Variants in GRID2 observed in about 807,000 individuals in gnomAD.
The protein encoded by GRID2 is glutamate ionotropic receptor delta type subunit 2.
In GRID2, 33 loss-of-function variants were observed where a neutral mutation model predicts 114.8. That is an observed-to-expected ratio of 0.29 (90% CI 0.22 to 0.38). The LOEUF is 0.38. Ranked by LOEUF, GRID2 falls within the 10% of genes least tolerant of loss-of-function variation. The pLI, the probability that GRID2 is intolerant of heterozygous loss-of-function variation, is 1.00. For synonymous variants in GRID2, 505 were observed against 449.9 expected (o/e 1.12, Z -1.55); for missense variants, 1,184 against 1,257.7 (o/e 0.94, Z 0.89).
intron 1 of GRID2, among the ~76,000 whole-genome samples, 164 bp from the exon 2 acceptor site, chr4:92,589,967 G>C (rs1052349306): frequency 2.0e-5 from 3 of 152,098 alleles, no homozygotes; most frequent in Admixed American, 1.3e-4. Context: ...TTCCTTCTCA[G>C]CTATTACACT....
At chr4:93,286,694 G>GGTGT (rs113830718) in intron 8 of GRID2, among the ~76,000 whole-genome samples, 7 of 148,278 alleles carry the variant, frequency 4.7e-5, no homozygotes, top group East Asian at 2.0e-4. Context: ...TGTGTGTGGG[G>GGTGT]GTGTGTGTGT....
At chr4:93,525,714 A>G (rs924872175) in intron 13 of GRID2, among the ~76,000 whole-genome samples, 1 of 152,170 alleles carries the variant, frequency 6.6e-6, no homozygotes, top group African/African-American at 2.4e-5. Flanking sequence ...GCTTCCTAGG[A>G]AACTTCAGAG....
At chr4:92,763,489 A>T (rs536390309) in intron 2 of GRID2, among the ~76,000 whole-genome samples, 1 of 152,354 alleles carries the variant, frequency 6.6e-6, no homozygotes, top group Admixed American at 6.5e-5. Context: ...ATACACATTT[A>T]AAAATATAGT....
intron 2 of GRID2, among the ~76,000 whole-genome samples, chr4:93,077,134 C>G (rs1729404816): frequency 6.6e-6 from 1 of 152,086 alleles, no homozygotes; most frequent in Non-Finnish European, 1.5e-5. Context: ...GTGGTGATAT[C>G]ATTTGAATTA....
intron 1 of GRID2, among the ~76,000 whole-genome samples, chr4:92,320,859 C>A (rs1357218433): frequency 6.6e-6 from 1 of 152,068 alleles, no homozygotes; most frequent in Admixed American, 6.6e-5. Flanking sequence ...AAATCAAAGT[C>A]TGGTCCTAAT....
chr4:93,201,165 TATG>T (rs768966014), intron 4 of GRID2, among the ~76,000 whole-genome samples: 5 of 152,232 alleles, frequency 3.3e-5, no homozygotes, highest in Non-Finnish European at 7.3e-5. Flanking sequence ...TATATATTAA[TATG>T]ATTTTTATGT....
At chr4:92,883,715 G>A (rs746059935) in intron 2 of GRID2, among the ~76,000 whole-genome samples, 1 of 152,180 alleles carries the variant, frequency 6.6e-6, no homozygotes, top group Non-Finnish European at 1.5e-5. Context: ...CATTGTCAAT[G>A]AGCAGTCATA....
At chr4:92,716,166 C>T (rs962650251) in intron 2 of GRID2, among the ~76,000 whole-genome samples, 1 of 152,146 alleles carries the variant, frequency 6.6e-6, no homozygotes. Flanking sequence ...TAAATGAATA[C>T]AACACATTTT....
chr4:92,617,365 T>C (rs760859247), intron 2 of GRID2, among the ~76,000 whole-genome samples: 7 of 151,592 alleles, frequency 4.6e-5, no homozygotes, highest in Non-Finnish European at 1.0e-4. Flanking sequence ...CCTAATGCTC[T>C]CCCTCCACTT....
intron 2 of GRID2, among the ~76,000 whole-genome samples, chr4:92,649,355 G>A (rs557232684): frequency 1.0e-4 from 15 of 150,370 alleles, no homozygotes; most frequent in Non-Finnish European, 1.8e-4. Flanking sequence ...GAGTGTGAAG[G>A]CACAAGAACC....
At chr4:92,956,990 C>G (rs189116828) in intron 2 of GRID2, among the ~76,000 whole-genome samples, 47 of 152,014 alleles carry the variant, frequency 3.1e-4, no homozygotes, top group African/African-American at 1.1e-3. Flanking sequence ...GTATTTGGCT[C>G]ATTTTTTGTT....
chr4:93,189,779 A>G (rs1405800484), intron 4 of GRID2, among the ~76,000 whole-genome samples: 1 of 57,292 alleles, frequency 1.7e-5, no homozygotes, highest in South Asian at 6.1e-4. Context: ...CACACCACAC[A>G]CACACACACA....
intron 2 of GRID2, among the ~76,000 whole-genome samples, chr4:92,918,624 G>T (rs552053794): frequency 1.3e-5 from 2 of 152,010 alleles, no homozygotes; most frequent in Admixed American, 6.6e-5. Flanking sequence ...GGTTTTTGTC[G>T]TTGGTTCTGC....
intron 4 of GRID2, among the ~76,000 whole-genome samples, chr4:93,180,783 AATC>A (rs763486720): frequency 1.3e-5 from 2 of 152,158 alleles, no homozygotes; most frequent in Admixed American, 6.5e-5. Flanking sequence ...ATTCAAATTT[AATC>A]ATGAGATTGC....
At chr4:93,102,882 A>G (rs1731832575) in intron 3 of GRID2, among the ~76,000 whole-genome samples, 1 of 151,554 alleles carries the variant, frequency 6.6e-6, no homozygotes, top group African/African-American at 2.4e-5. Context: ...TCCCCTAGAT[A>G]AAGTTGTTTT....
chr4:93,391,160 T>C (rs1483393937), intron 8 of GRID2, among the ~76,000 whole-genome samples: 1 of 152,198 alleles, frequency 6.6e-6, no homozygotes, highest in African/African-American at 2.4e-5. Context: ...AAATTGAACC[T>C]ATCTTGCAGG....
At chr4:92,988,003 G>A (rs183558818) in intron 2 of GRID2, among the ~76,000 whole-genome samples, 232 of 152,128 alleles carry the variant, frequency 1.5e-3, no homozygotes, top group Non-Finnish European at 2.5e-3. Flanking sequence ...TACATTAATT[G>A]ATCAATTCAA....
intron 6 of GRID2, chr4:93,217,145 G>T: frequency 6.1e-6 from 2 of 328,740 alleles, no homozygotes; most frequent in South Asian, 7.3e-5. Context: ...ATAAGTAAAG[G>T]TTATTTTCTT....
intron 2 of GRID2, among the ~76,000 whole-genome samples, chr4:92,902,394 C>A (rs924422477): frequency 6.6e-6 from 1 of 151,812 alleles, no homozygotes; most frequent in African/African-American, 2.4e-5. Context: ...CAAATAATTT[C>A]TTGTGTTGTT....
Sources: allele counts gnomAD v4.1 joint callset (sites outside exome capture counted in the v4.1 genomes callset), GRCh38; gene constraint gnomAD v4.1.1; transcripts MANE v1.5; gene names NCBI Gene and HGNC (gene_info 2026-07-23, HGNC 2026-07-21).